Variants in TAS2R1 observed in about 807,000 individuals in gnomAD.
TAS2R1 encodes the protein taste 2 receptor member 1.
For missense variants in TAS2R1, 370 were observed against 353.4 expected (o/e 1.05, Z -0.38); for synonymous variants, 141 against 134.2 (o/e 1.05, Z -0.35).
chr5:9,814,535 AT>A, the TAS2R1 span, among the ~76,000 whole-genome samples: 15 of 152,290 alleles, frequency 9.8e-5, no homozygotes, highest in Admixed American at 9.2e-4. Flanking sequence ...TACATTCCAG[AT>A]CAAAATTTAA....
chr5:9,891,383 T>C, the TAS2R1 span, among the ~76,000 whole-genome samples: 2 of 152,254 alleles, frequency 1.3e-5, no homozygotes, highest in African/African-American at 4.8e-5. Context: ...GTAATAGATG[T>C]ACTATTTTTG....
At chr5:9,790,392 A>C in the TAS2R1 span, among the ~76,000 whole-genome samples, 7 of 152,224 alleles carry the variant, frequency 4.6e-5, no homozygotes, top group Admixed American at 4.6e-4. Context: ...AGTTAGCAAC[A>C]ACATACATGA....
chr5:9,695,774 C>T (rs921314465), intron 1 of TAS2R1, among the ~76,000 whole-genome samples: 4 of 152,158 alleles, frequency 2.6e-5, no homozygotes, highest in Non-Finnish European at 4.4e-5. Flanking sequence ...AAATTAACCA[C>T]GGCAACTGGA....
chr5:9,836,525 C>A, the TAS2R1 span, among the ~76,000 whole-genome samples: 1 of 152,070 alleles, frequency 6.6e-6, no homozygotes, highest in Non-Finnish European at 1.5e-5. Context: ...ATTGTACCCA[C>A]ATATTGACAA....
the TAS2R1 span, among the ~76,000 whole-genome samples, chr5:9,886,713 C>G: frequency 6.6e-6 from 1 of 152,022 alleles, no homozygotes; most frequent in African/African-American, 2.4e-5. Context: ...CTATACATTT[C>G]AATGCGTAAT....
At chr5:9,900,781 C>T in the TAS2R1 span, among the ~76,000 whole-genome samples, 71 of 152,136 alleles carry the variant, frequency 4.7e-4, 2 homozygotes, top group South Asian at 5.0e-3. Context: ...CCACCATGCC[C>T]GGCTAATTTT....
chr5:9,823,662 GGGAAAGGAAGGAAGGGAA>G, the TAS2R1 span, among the ~76,000 whole-genome samples: 6 of 136,112 alleles, frequency 4.4e-5, no homozygotes, highest in East Asian at 4.7e-4. Flanking sequence ...GAGGAAGGGA[GGGAAAGGAAGGAAGGGAA>G]GGAAAGGAAG....
the TAS2R1 span, among the ~76,000 whole-genome samples, chr5:9,868,003 T>C: frequency 6.6e-6 from 1 of 152,220 alleles, no homozygotes; most frequent in Non-Finnish European, 1.5e-5. Context: ...GTCATTCTGA[T>C]GCAAGAAGTG....
At chr5:9,634,344 C>CT (rs1739928831), upstream of TAS2R1, among the ~76,000 whole-genome samples, 1 of 152,096 alleles carries the variant, frequency 6.6e-6, no homozygotes, top group Non-Finnish European at 1.5e-5. Context: ...GTAACTATAG[C>CT]TTTTTAGCAT....
At chr5:9,813,823 C>CA in the TAS2R1 span, among the ~76,000 whole-genome samples, 1 of 152,226 alleles carries the variant, frequency 6.6e-6, no homozygotes, top group East Asian at 1.9e-4. Context: ...ACATCTGTCT[C>CA]TGCCTCCTAA....
At chr5:9,719,933 A>AAAAAAC in the TAS2R1 span, among the ~76,000 whole-genome samples, 1 of 133,686 alleles carries the variant, frequency 7.5e-6, no homozygotes, top group African/African-American at 2.9e-5. Flanking sequence ...AAAAAAAAAA[A>AAAAAAC]AAAAACAAAA....
intron 1 of TAS2R1, among the ~76,000 whole-genome samples, chr5:9,699,842 T>C (rs1741440606): frequency 6.6e-6 from 1 of 152,218 alleles, no homozygotes; most frequent in African/African-American, 2.4e-5. Flanking sequence ...CTGTAGCATC[T>C]TTGAAGTAAT....
In TAS2R1 at chr5:9,629,145, C is replaced by G; in HGVS notation, c.888G>C (p.Lys296Asn). The change falls in exon 1 of 1, where the codon AAG (lysine) becomes AAC (asparagine). Residue 296 changes from lysine to asparagine, a missense_variant. By Grantham distance (94) the Lys-to-Asn change is moderately conservative (BLOSUM62 0). Transcript: ENST00000382492. ...TCCAACTTCTCTCTCACTGACAGCACTTACTGTGGAGGAGGAACTTTTTTG... is the reference window on the plus strand; with the variant it reads ...TCCAACTTCTCTCTCACTGACAGCAGTTACTGTGGAGGAGGAACTTTTTTG... ...QNAKKFLLHSKCCQ is the reference protein window; with the variant it reads ...QNAKKFLLHSNCCQ 6.4e-7 allele frequency: 1 copy of G among 1,561,596 alleles called. No homozygotes were observed. Among genetic ancestry groups the G allele is most frequent in the Non-Finnish European group, 8.6e-7 (1 of 1,156,086 alleles).
intron 2 of TAS2R1, chr5:9,641,951 A>C (rs1740093332): frequency 6.6e-6 from 1 of 152,202 alleles, no homozygotes; most frequent in Non-Finnish European, 1.5e-5. Flanking sequence ...CCTGATGTGG[A>C]GAAATTCACA....
intron 1 of TAS2R1, among the ~76,000 whole-genome samples, chr5:9,667,788 A>G (rs1740666903): frequency 1.3e-5 from 2 of 152,216 alleles, no homozygotes; most frequent in African/African-American, 4.8e-5. Flanking sequence ...AAAGGATAAC[A>G]AATTCAAATA....
chr5:9,760,707 C>T, the TAS2R1 span, among the ~76,000 whole-genome samples: 1 of 152,136 alleles, frequency 6.6e-6, no homozygotes, highest in African/African-American at 2.4e-5. Context: ...TGATTTAAAG[C>T]CATACCAAGA....
chr5:9,667,405 G>A (rs1348373164), intron 1 of TAS2R1, among the ~76,000 whole-genome samples: 2 of 152,174 alleles, frequency 1.3e-5, no homozygotes, highest in African/African-American at 4.8e-5. Flanking sequence ...ATTGCAGGAC[G>A]GGCAACTCTA....
At chr5:9,775,594 T>C in the TAS2R1 span, among the ~76,000 whole-genome samples, 1 of 152,148 alleles carries the variant, frequency 6.6e-6, no homozygotes, top group Non-Finnish European at 1.5e-5. Context: ...GTGAGTACTG[T>C]CTGGGGGCTG....
At chr5:9,678,652 G>C (rs1740926952) in intron 1 of TAS2R1, among the ~76,000 whole-genome samples, 1 of 152,274 alleles carries the variant, frequency 6.6e-6, no homozygotes, top group Middle Eastern at 3.4e-3. Context: ...GGACCTGGAA[G>C]CTGTTATCCT....
Sources: gnomAD v4.1 joint callset for allele counts (sites outside exome capture counted in the v4.1 genomes callset) on GRCh38, gnomAD v4.1.1 for gene constraint, MANE v1.5 for transcripts, NCBI Gene and HGNC (gene_info 2026-07-23, HGNC 2026-07-21) for gene names.